XIRP2: variants seen among roughly 807,000 people sequenced by gnomAD.
XIRP2 encodes the protein xin actin binding repeat containing 2.
Under a neutral mutation model 277.0 loss-of-function variants are expected in XIRP2, and 236 were observed. The observed-to-expected ratio is 0.85, with a 90% CI of 0.77 to 0.95. The LOEUF (loss-of-function observed/expected upper bound fraction) is 0.95. Ranked by LOEUF, XIRP2 falls within the 40% of genes least tolerant of loss-of-function variation. XIRP2 has a pLI of 0.00. For synonymous variants in XIRP2, 1,490 were observed against 1,416.5 expected (o/e 1.05, Z -1.17); for missense variants, 4,640 against 4,157.5 (o/e 1.12, Z -3.19).
intron 3 of XIRP2, chr2:167,184,543 A>G (rs566303859): frequency 1.4e-6 from 1 of 716,618 alleles, no homozygotes; most frequent in African/African-American, 1.7e-5. Flanking sequence ...TTCCAGCAGC[A>G]GTGTTCTCCA....
rs568613744 is a variant in XIRP2, at chr2:167,010,970, G to A, written c.408+107080G>A. 1.5e-4 allele frequency among the ~76,000 whole-genome samples: 23 copies of A among 152,132 alleles called. No homozygotes were observed. The East Asian group carries it at 4.4e-3, about 29-fold the overall frequency. On this transcript the variant is annotated intron_variant, in intron 2 of 10. Transcript: ENST00000409195. ...TGCTTATCAGCTTAAGGAGATTTTG[G>A]GCTGACACAATGGGGTTTTCTAGAT...
chr2:167,254,203 G>A (rs746271616), intron 10 of XIRP2, 38 bp downstream of exon 10: 1 of 1,592,438 alleles, frequency 6.3e-7, no homozygotes, highest in East Asian at 2.3e-5. Flanking sequence ...AATATTCCAG[G>A]AGCTGCACTC....
intron 3 of XIRP2, among the ~76,000 whole-genome samples, chr2:167,146,915 A>G (rs556562660): frequency 6.6e-6 from 1 of 152,280 alleles, no homozygotes; most frequent in African/African-American, 2.4e-5. Flanking sequence ...ACAACTGATA[A>G]CCAACTGCTC....
chr2:166,906,029 CTA>C (rs1491425649), intron 2 of XIRP2, among the ~76,000 whole-genome samples: 3 of 151,882 alleles, frequency 2.0e-5, no homozygotes, highest in Non-Finnish European at 4.4e-5. Flanking sequence ...CATAAATCAT[CTA>C]AAAAATTCTG....
At chr2:167,018,479 A>G (rs903270343) in intron 2 of XIRP2, among the ~76,000 whole-genome samples, 3 of 152,040 alleles carry the variant, frequency 2.0e-5, no homozygotes, top group African/African-American at 7.2e-5. Flanking sequence ...TTAGTCCATG[A>G]TAAGAAACCT....
chr2:167,038,150 A>T (rs890307971), intron 2 of XIRP2, among the ~76,000 whole-genome samples: 2 of 151,940 alleles, frequency 1.3e-5, no homozygotes, highest in African/African-American at 4.8e-5. Context: ...TTTTCTTTTG[A>T]GTTATGTGCA....
intron 2 of XIRP2, among the ~76,000 whole-genome samples, chr2:167,066,834 G>A (rs1017485256): frequency 6.6e-6 from 1 of 152,094 alleles, no homozygotes; most frequent in African/African-American, 2.4e-5. Context: ...ATATTTGACA[G>A]CATGGCTGAA....
Position 167,243,313 on chromosome 2 carries a change from G to T in XIRP2, c.1921G>T (p.Glu641Ter), listed in dbSNP as rs1482420051. 4 of 1,613,624 alleles carry T rather than the reference G, an allele frequency of 2.5e-6. No homozygotes were observed. Among genetic ancestry groups the T allele is most frequent in the Non-Finnish European group, 3.4e-6 (4 of 1,179,818 alleles). ...TTCTTCTGACACTGTAGAAAATGCA[G>T]AGAAAATTCCTGAGCTAGCCAGAGG... ...AYSSDTVENA[E>*]KIPELARGDV... Residue 641 changes from glutamate to a stop codon, truncating the protein, a stop_gained, in exon 9 of 11, where the codon GAG becomes TAG. Coordinates refer to ENST00000409195, the MANE Select transcript of XIRP2 (RefSeq NM_152381.6). LOFTEE classifies it high-confidence loss of function.
intron 2 of XIRP2, among the ~76,000 whole-genome samples, chr2:167,077,410 GT>G (rs1207474540): frequency 6.6e-6 from 1 of 151,764 alleles, no homozygotes; most frequent in African/African-American, 2.4e-5. Context: ...GCAGCCGTTA[GT>G]TTAAGCACTG....
chr2:167,085,391 G>C (rs1689903351), intron 2 of XIRP2, among the ~76,000 whole-genome samples: 1 of 149,662 alleles, frequency 6.7e-6, no homozygotes, highest in Non-Finnish European at 1.5e-5. Context: ...AATAGGTGTG[G>C]TGTGGTGCTG....
intron 2 of XIRP2, among the ~76,000 whole-genome samples, chr2:167,051,572 T>C (rs1003911643): frequency 6.6e-6 from 1 of 152,110 alleles, no homozygotes; most frequent in African/African-American, 2.4e-5. Context: ...AACTTGCTTC[T>C]TTCACTCAAT....
intron 2 of XIRP2, among the ~76,000 whole-genome samples, chr2:167,054,413 G>A (rs1688992895): frequency 1.3e-5 from 2 of 152,188 alleles, no homozygotes; most frequent in African/African-American, 2.4e-5. Flanking sequence ...GCTGGGTGAG[G>A]TGGCTCACGC....
intron 2 of XIRP2, among the ~76,000 whole-genome samples, chr2:167,116,152 T>C (rs559800121): frequency 2.6e-5 from 4 of 152,182 alleles, no homozygotes; most frequent in Admixed American, 2.0e-4. Context: ...TTAAGTGCTG[T>C]TGATTTATGG....
At position 167,210,793 on chromosome 2, in the gene XIRP2, C is replaced by T. The variant is rs375656687; in HGVS notation, c.621C>T (p.Gly207=). The change falls in exon 4 of 11, where the codon GGC becomes GGT. Residue 207 remains glycine, a synonymous_variant. Transcript: ENST00000409195. ...TTGCAGAAGACAGTGCTGCTCGGGG[C>T]GAGGGTGTGTCAGACCTCCACGAAG... ...SGFAEDSAAR[G]EGVSDLHEVV... is the part of the protein sequence containing the mutation. 50 of 1,614,076 alleles carry T rather than the reference C, an allele frequency of 3.1e-5. No individual in the cohort carries two copies. The South Asian group carries it at 3.2e-4, about 10-fold the overall frequency.
intron 2 of XIRP2, among the ~76,000 whole-genome samples, chr2:167,050,784 A>T (rs1342894441): frequency 6.6e-6 from 1 of 151,004 alleles, no homozygotes; most frequent in Non-Finnish European, 1.5e-5. Flanking sequence ...CAGGACTAAC[A>T]CTATGAATAT....
At chr2:166,913,329 G>A (rs901872518) in intron 2 of XIRP2, among the ~76,000 whole-genome samples, 13 of 140,746 alleles carry the variant, frequency 9.2e-5, no homozygotes, top group Non-Finnish European at 1.4e-4. Context: ...CCCCAGCCTC[G>A]CTGCTGCCTT....
chr2:166,909,136 T>G (rs1684625586), intron 2 of XIRP2, among the ~76,000 whole-genome samples: 2 of 152,180 alleles, frequency 1.3e-5, no homozygotes, highest in Admixed American at 6.6e-5. Context: ...TAAAGTAGTT[T>G]TTTCCAATTC....
chr2:166,987,777 G>C (rs146403526), intron 2 of XIRP2, among the ~76,000 whole-genome samples: 328 of 152,262 alleles, frequency 2.2e-3, no homozygotes, highest in Non-Finnish European at 3.4e-3. Context: ...CTACTTGAAG[G>C]AGTTCTCAAT....
At chr2:167,158,043 G>T (rs574819960) in intron 3 of XIRP2, among the ~76,000 whole-genome samples, 1 of 152,062 alleles carries the variant, frequency 6.6e-6, no homozygotes, top group African/African-American at 2.4e-5. Flanking sequence ...TAGTTGTGCC[G>T]TAACATAAAC....
Sources: allele counts gnomAD v4.1 joint callset (sites outside exome capture counted in the v4.1 genomes callset), GRCh38; gene constraint gnomAD v4.1.1; transcripts MANE v1.5; gene names NCBI Gene and HGNC (gene_info 2026-07-23, HGNC 2026-07-21).